Variants in RAD23B observed in about 807,000 individuals in gnomAD.
The protein encoded by RAD23B is RAD23 nucleotide excision repair protein B, also known as lysine-specific demethylase RAD23B.
In RAD23B, 5 loss-of-function variants were observed where a neutral mutation model predicts 49.1. That is an observed-to-expected ratio of 0.10 (90% CI 0.05 to 0.21). The LOEUF (loss-of-function observed/expected upper bound fraction) is 0.21. RAD23B is among the 10% of genes least tolerant of loss of function. RAD23B has a pLI of 1.00. For missense variants in RAD23B, 356 were observed against 486.7 expected (o/e 0.73, Z 2.53); for synonymous variants, 184 against 165.4 (o/e 1.11, Z -0.86).
chr9:107,330,396 GT>G lies in RAD23B; in HGVS notation c.*741del, dbSNP rs2133103738. 6.6e-6 allele frequency: 1 copy of G among 152,528 alleles called. No individual in the cohort carries two copies. Among genetic ancestry groups the G allele is most frequent in the East Asian group, 1.9e-4 (1 of 5,184 alleles). 9.4% of individuals were successfully genotyped at this position (152,528 alleles called of 1,614,324 possible). On this transcript the variant is annotated 3_prime_UTR_variant, in exon 10 of 10. Coordinates refer to ENST00000358015, the MANE Select transcript of RAD23B (RefSeq NM_002874.5). The surrounding 1 kb of genome is among the most constrained non-coding windows in gnomAD (Gnocchi z 4.4). ...TGTTTTGGGGAAAAAATTGGTAGGTGTCTAATTACTGTTTACTTCATTGTTA... is the reference window on the plus strand; with the variant it reads ...TGTTTTGGGGAAAAAATTGGTAGGTGCTAATTACTGTTTACTTCATTGTTA...
chr9:107,299,349 C>T (rs1052182722), intron 1 of RAD23B, among the ~76,000 whole-genome samples: 1 of 152,170 alleles, frequency 6.6e-6, no homozygotes, highest in African/African-American at 2.4e-5. Flanking sequence ...GGAAAGCCAT[C>T]TCTGCCTTTT....
rs1826666639 is a variant in RAD23B, at chr9:107,302,070, T to C, written c.184T>C (p.Tyr62His). The part of the protein sequence containing the change: ...ILNDDTALKE[Y>H]KIDEKNFVVV... Reference sequence around the variant, plus strand: ...CAATGATGATACTGCTCTCAAAGAATATAAAATTGATGAGAAAAACTTTGT... The same window carrying C: ...CAATGATGATACTGCTCTCAAAGAACATAAAATTGATGAGAAAAACTTTGT... The change falls in exon 3 of 10, where the codon TAT becomes CAT. Residue 62 changes from tyrosine (Y) to histidine (H), a missense_variant. Tyr to His is a moderately conservative substitution (Grantham distance 83). This residue lies in a region of RAD23B where 32 missense variants were observed against 62.3 expected (regional missense o/e 0.51). Coordinates refer to ENST00000358015, the MANE Select transcript of RAD23B (RefSeq NM_002874.5). 1 of 1,613,230 alleles carries C rather than the reference T, an allele frequency of 6.2e-7. No individual in the cohort carries two copies. The highest frequency in any genetic ancestry group is 8.5e-7 in the Non-Finnish European group (1 of 1,179,726).
chr9:107,313,337 C>T (rs558697110), intron 5 of RAD23B, among the ~76,000 whole-genome samples: 5 of 152,052 alleles, frequency 3.3e-5, no homozygotes, highest in Admixed American at 6.6e-5. Context: ...GCGATTCTCC[C>T]GCCTCAGCCT....
chr9:107,308,086 A>G (rs1468092167), intron 4 of RAD23B, among the ~76,000 whole-genome samples: 2 of 152,076 alleles, frequency 1.3e-5, no homozygotes, highest in Non-Finnish European at 1.5e-5. Flanking sequence ...TCAGCACAAT[A>G]CATCTTATTC....
chr9:107,331,834 GT>G lies in RAD23B; in HGVS notation c.*2181del. The G allele has an allele frequency of 1.6e-6, 1 of 631,104 alleles. No homozygotes were observed. The highest frequency in any genetic ancestry group is 2.9e-6 in the Non-Finnish European group (1 of 345,730). The allele number at this position is 631,104 out of a possible 1,614,324, so 39.1% of individuals were successfully genotyped here. A position where few individuals can be genotyped will look rare whatever the true frequency, so the allele number is the denominator to read the frequency against. On this transcript the variant is annotated 3_prime_UTR_variant, in exon 10 of 10. Transcript: ENST00000358015. ...TTTTGATCGTTCCATACAGTACCTTGTTTATCTGCTTCTTAAAGAATCAGCC... is the reference window on the plus strand; with the variant it reads ...TTTTGATCGTTCCATACAGTACCTTGTTATCTGCTTCTTAAAGAATCAGCC...
chr9:107,284,961 A>G (rs763272729), intron 1 of RAD23B: 23 of 1,301,196 alleles, frequency 1.8e-5, no homozygotes, highest in Admixed American at 6.9e-5. Flanking sequence ...TATTTAAACA[A>G]TGGATTCCTT....
rs546745990 is a variant in RAD23B at position 107,318,629 on chromosome 9, T to A, written c.554-123T>A. On this transcript the variant is annotated intron_variant, in intron 5 of 9. Transcript: ENST00000358015. The surrounding 1 kb of genome is among the most constrained non-coding windows in gnomAD (Gnocchi z 4.3). ...TACATATATGTTGTAATTTATACTG[T>A]TACTCATCTTTGTATTCCCAGCATA... 55 of 1,079,222 alleles carry A rather than the reference T, an allele frequency of 5.1e-5. No homozygotes were observed. The Middle Eastern group carries it at 9.8e-4, about 19-fold the overall frequency. The allele number at this position is 1,079,222 out of a possible 1,614,324, so 66.9% of individuals were successfully genotyped here.
chr9:107,307,549 T>C (rs1310084729), intron 4 of RAD23B, among the ~76,000 whole-genome samples: 3 of 152,212 alleles, frequency 2.0e-5, no homozygotes, highest in South Asian at 2.1e-4. Context: ...GCAGTAGTTA[T>C]ATGATCTTTG....
At chr9:107,284,129 A>G in intron 1 of RAD23B, 1 of 992,204 alleles carries the variant, frequency 1.0e-6, no homozygotes, top group Non-Finnish European at 1.2e-6. Context: ...AGAGTTGGTA[A>G]CCCGAGAAGA....
In RAD23B at chr9:107,331,759, A is replaced by G. The variant is rs771825913; in HGVS notation, c.*2103A>G. The G allele has an allele frequency of 1.3e-5, 10 of 776,282 alleles. 1 individual carries two copies. Among genetic ancestry groups the G allele is most frequent in the South Asian group, 5.4e-5 (4 of 73,698 alleles). The allele number at this position is 776,282 out of a possible 1,614,324, so 48.1% of individuals were successfully genotyped here. ...GGCATGGAGCTTGTGTCCTTGGACA[A>G]CAAATCTGGATATACTAGGATTAAT... On this transcript the variant is annotated 3_prime_UTR_variant, in exon 10 of 10. Coordinates refer to ENST00000358015, the MANE Select transcript of RAD23B (RefSeq NM_002874.5).
At chr9:107,320,907 T>C (rs1388206320) in intron 6 of RAD23B, among the ~76,000 whole-genome samples, 1 of 152,194 alleles carries the variant, frequency 6.6e-6, no homozygotes, top group Non-Finnish European at 1.5e-5. Flanking sequence ...CTTCATCCTT[T>C]ATATGTTGTT....
intron 4 of RAD23B, 41 bp from the exon 5 acceptor site, chr9:107,311,641 T>C (rs561535881): frequency 1.4e-6 from 2 of 1,419,566 alleles, no homozygotes; most frequent in South Asian, 1.3e-5. Flanking sequence ...TTAAATTTTA[T>C]ATACTTTTTA....
At chr9:107,322,225 A>C in intron 7 of RAD23B, 107 bp downstream of exon 7, 1 of 1,325,294 alleles carries the variant, frequency 7.5e-7, no homozygotes, top group Non-Finnish European at 1.0e-6. Context: ...GAGCAGTCGA[A>C]TAATTCGTTA....
chr9:107,330,200 T>C lies in RAD23B; in HGVS notation c.*544T>C, dbSNP rs1442219230. 1 of 152,656 alleles carries C rather than the reference T, an allele frequency of 6.6e-6. No homozygotes were observed. The highest frequency in any genetic ancestry group is 2.4e-5 in the African/African-American group (1 of 41,460). The allele number at this position is 152,656 out of a possible 1,614,324, so 9.5% of individuals were successfully genotyped here. Reference sequence around the variant, plus strand: ...AATTAATATGTAAGGAAGCCCATTCTTTCATGTTAAATACTTGGGGTGGGA... The same window carrying C: ...AATTAATATGTAAGGAAGCCCATTCCTTCATGTTAAATACTTGGGGTGGGA... On this transcript the variant is annotated 3_prime_UTR_variant, in exon 10 of 10. Transcript: ENST00000358015. This position sits in a 1 kb window ranked among gnomAD's most constrained non-coding sequence, Gnocchi z 4.4.
chr9:107,291,280 T>TA (rs1833379727), intron 1 of RAD23B, among the ~76,000 whole-genome samples: 1 of 152,226 alleles, frequency 6.6e-6, no homozygotes, highest in South Asian at 2.1e-4. Context: ...GAATTCTGCT[T>TA]ACTCAGTTTT....
intron 5 of RAD23B, among the ~76,000 whole-genome samples, chr9:107,312,090 C>T (rs770376095): frequency 6.6e-6 from 1 of 152,216 alleles, no homozygotes; most frequent in Admixed American, 6.5e-5. Context: ...CCTCACACTT[C>T]ATGTGTATTC....
chr9:107,320,586 CT>C, intron 6 of RAD23B, among the ~76,000 whole-genome samples: 1 of 152,072 alleles, frequency 6.6e-6, no homozygotes, highest in East Asian at 1.9e-4. Context: ...GGAAAAGTTG[CT>C]TTTAACTGTT....
chr9:107,321,954 T>A (rs1307157400), intron 6 of RAD23B, 29 bp from the exon 7 acceptor site: 1 of 1,569,778 alleles, frequency 6.4e-7, no homozygotes, highest in Non-Finnish European at 8.6e-7. Context: ...CATGATGGGA[T>A]ATCTTAAAGC....
Position 107,284,845 on chromosome 9 carries a change from A to T in RAD23B, c.66+1150A>T, listed in dbSNP as rs76575022. 5,580 of 1,242,320 alleles carry T rather than the reference A, an allele frequency of 4.5e-3. 168 individuals are homozygous for T. The African/African-American group carries it at 0.068, about 15-fold the overall frequency. The allele number at this position is 1,242,320 out of a possible 1,614,324, so 77.0% of individuals were successfully genotyped here. A position where few individuals can be genotyped will look rare whatever the true frequency, so the allele number is the denominator to read the frequency against. On this transcript the variant is annotated intron_variant, in intron 1 of 9. Transcript: ENST00000358015. ...ACTTATTTGCTATGACCTTGGGCAA[A>T]TTACGGTTAGTTTCATTCTCTGTAT... is the stretch of plus-strand genomic sequence containing the variant.
Sources: gnomAD v4.1 joint callset for allele counts (sites outside exome capture counted in the v4.1 genomes callset) on GRCh38, gnomAD v4.1.1 for gene constraint, gnomAD v4.1.1 regional missense constraint, Gnocchi (gnomAD v3.1) non-coding constraint, MANE v1.5 for transcripts, NCBI Gene and HGNC (gene_info 2026-07-23, HGNC 2026-07-21) for gene names.